The following SDK1 variants were observed in gnomAD, a reference collection of about 807,000 sequenced individuals.
The protein encoded by SDK1 is protein sidekick-1.
A neutral mutation model predicts 245.5 loss-of-function variants in SDK1; 157 were observed. The ratio of observed to expected loss-of-function variants is 0.64; its 90% CI spans 0.56 to 0.73. The LOEUF (loss-of-function observed/expected upper bound fraction) is 0.73. SDK1 is among the 30% of genes least tolerant of loss of function. The pLI, the probability that SDK1 is intolerant of heterozygous loss-of-function variation, is 0.00. For synonymous variants in SDK1, 1,647 were observed against 1,278.5 expected (o/e 1.29, Z -6.15); for missense variants, 3,583 against 3,002.3 (o/e 1.19, Z -4.52).
At chr7:4,139,569 A>ATGTGTGTGTATATGTATATATGTGTG (rs1779374378) in intron 28 of SDK1, among the ~76,000 whole-genome samples, 1 of 8,288 alleles carries the variant, frequency 1.2e-4, no homozygotes, top group Admixed American at 1.2e-3. Context: ...ATATGTGTGT[A>ATGTGTGTGTATATGTATATATGTGTG]TATGTGTGTG....
At chr7:3,910,411 C>T (rs1163982801) in intron 5 of SDK1, among the ~76,000 whole-genome samples, 1 of 151,970 alleles carries the variant, frequency 6.6e-6, no homozygotes, top group Non-Finnish European at 1.5e-5. Context: ...CTGCATAGTG[C>T]GGAATATTTC....
chr7:3,869,344 C>T (rs909220053), intron 5 of SDK1, among the ~76,000 whole-genome samples: 12 of 151,936 alleles, frequency 7.9e-5, no homozygotes, highest in East Asian at 3.9e-4. Context: ...TTAGTGGAGA[C>T]GGGGTTTCAC....
intron 1 of SDK1, among the ~76,000 whole-genome samples, chr7:3,499,384 G>A (rs562680873): frequency 6.5e-4 from 99 of 152,236 alleles, no homozygotes; most frequent in Non-Finnish European, 1.2e-3. Flanking sequence ...ATTGTCAGAT[G>A]TATGCCACAT....
At chr7:4,167,192 C>T (rs1466558734) in intron 32 of SDK1, among the ~76,000 whole-genome samples, 1 of 152,132 alleles carries the variant, frequency 6.6e-6, no homozygotes, top group Non-Finnish European at 1.5e-5. Flanking sequence ...GAGATTGAGA[C>T]CATCGTGGCC....
intron 28 of SDK1, among the ~76,000 whole-genome samples, chr7:4,139,838 G>T (rs112911923): frequency 6.6e-6 from 1 of 151,978 alleles, no homozygotes; most frequent in African/African-American, 2.4e-5. Context: ...AGAGGGCCTC[G>T]CCCTGCGCTG....
intron 4 of SDK1, among the ~76,000 whole-genome samples, chr7:3,665,452 A>G (rs762182276): frequency 7.1e-6 from 1 of 140,404 alleles, no homozygotes; most frequent in Non-Finnish European, 1.7e-5. Flanking sequence ...CTTTGAGGGT[A>G]GGGATTGATT....
At chr7:3,987,162 C>T in intron 13 of SDK1, 24 bp from the exon 14 acceptor site, 1 of 1,611,190 alleles carries the variant, frequency 6.2e-7, no homozygotes, top group Non-Finnish European at 8.5e-7. Flanking sequence ...TCCTCTTTTT[C>T]CTTTTCATCC....
intron 17 of SDK1, among the ~76,000 whole-genome samples, chr7:4,018,523 G>A (rs1164765626): frequency 6.6e-6 from 1 of 152,170 alleles, no homozygotes; most frequent in Non-Finnish European, 1.5e-5. Context: ...AAAGGAAAAT[G>A]GCTGAAAACC....
intron 41 of SDK1, among the ~76,000 whole-genome samples, chr7:4,235,585 C>G: frequency 6.6e-6 from 1 of 152,208 alleles, no homozygotes; most frequent in East Asian, 1.9e-4. Flanking sequence ...CCTCAGCACC[C>G]CTCATCCTAA....
At chr7:3,948,513 C>T (rs533758328) in intron 5 of SDK1, among the ~76,000 whole-genome samples, 6 of 152,186 alleles carry the variant, frequency 3.9e-5, no homozygotes, top group Admixed American at 2.0e-4. Flanking sequence ...CCACCCGTCT[C>T]GGCCTCCCAA....
At chr7:3,806,750 T>C (rs949539339) in intron 4 of SDK1, among the ~76,000 whole-genome samples, 2 of 152,168 alleles carry the variant, frequency 1.3e-5, no homozygotes, top group African/African-American at 4.8e-5. Flanking sequence ...TATTGTGTTG[T>C]GTTTGTCATG....
intron 35 of SDK1, among the ~76,000 whole-genome samples, chr7:4,181,358 G>A (rs1010289673): frequency 6.6e-6 from 1 of 152,186 alleles, no homozygotes; most frequent in African/African-American, 2.4e-5. Flanking sequence ...ATGGACACTC[G>A]GGGGCCTTCC....
At chr7:3,474,034 A>G (rs1029226476) in intron 1 of SDK1, among the ~76,000 whole-genome samples, 2 of 140,554 alleles carry the variant, frequency 1.4e-5, no homozygotes, top group Admixed American at 7.2e-5. Context: ...GCTGCCTGCC[A>G]TGTGGTATCA....
intron 10 of SDK1, among the ~76,000 whole-genome samples, chr7:3,968,362 A>G (rs947347462): frequency 2.0e-5 from 3 of 152,310 alleles, no homozygotes; most frequent in East Asian, 1.9e-4. Context: ...GTTGATTCAC[A>G]TGGATGAGCT....
chr7:4,224,982 CAAAAAAAAAAAAAAAAAAAAAAA>C (rs3038664), intron 40 of SDK1, among the ~76,000 whole-genome samples: 3 of 43,714 alleles, frequency 6.9e-5, no homozygotes, highest in South Asian at 9.2e-4. Context: ...GACTCTGTCT[CAAAAAAAAAAAAAAAAAAAAAAA>C]AAAAAAAAAA....
At chr7:3,532,900 C>A (rs1203918736) in intron 1 of SDK1, among the ~76,000 whole-genome samples, 1 of 152,136 alleles carries the variant, frequency 6.6e-6, no homozygotes, top group African/African-American at 2.4e-5. Context: ...TCCTCCCTGC[C>A]TCTGGACTCA....
chr7:4,221,583 T>C (rs1785158039), intron 40 of SDK1, among the ~76,000 whole-genome samples: 2 of 152,214 alleles, frequency 1.3e-5, no homozygotes, highest in South Asian at 4.1e-4. Context: ...GCATACGCTT[T>C]GGGATGTTTT....
Position 3,389,031 on chromosome 7 carries a change from A to G in SDK1, c.298+87147A>G, listed in dbSNP as rs114252888. Among the ~76,000 whole-genome samples, 1,287 of 152,324 alleles carry G rather than the reference A, an allele frequency of 8.4e-3. 18 individuals carry two copies. Among genetic ancestry groups the G allele is most frequent in the African/African-American group, 0.029 (1,222 of 41,570 alleles). ...GATGGGGTCAACTTTTTGGTAGCGT[A>G]GTTTGGAAAGGCCTCTCAGGAAATG... On this transcript the variant is annotated intron_variant, in intron 1 of 44. Transcript: ENST00000404826.
chr7:3,985,483 C>T (rs1303413340), intron 13 of SDK1, among the ~76,000 whole-genome samples: 1 of 152,120 alleles, frequency 6.6e-6, no homozygotes, highest in South Asian at 2.1e-4. Context: ...TATTGGAGAA[C>T]TCAAATAGAA....
Sources: gnomAD v4.1 joint callset for allele counts (sites outside exome capture counted in the v4.1 genomes callset) on GRCh38, gnomAD v4.1.1 for gene constraint, MANE v1.5 for transcripts, NCBI Gene and HGNC (gene_info 2026-07-23, HGNC 2026-07-21) for gene names.